Variants in ERGIC1 observed in about 807,000 individuals in gnomAD.
The protein encoded by ERGIC1 is endoplasmic reticulum-Golgi intermediate compartment protein 1.
A neutral mutation model predicts 38.3 loss-of-function variants in ERGIC1; 19 were observed. The ratio of observed to expected loss-of-function variants is 0.50; its 90% CI spans 0.35 to 0.73. The LOEUF is 0.73. Among genes scored for constraint, ERGIC1 ranks in the 30% least tolerant of loss-of-function variants. The pLI, the probability that ERGIC1 is intolerant of heterozygous loss-of-function variation, is 0.01. For missense variants in ERGIC1, 294 were observed against 389.2 expected (o/e 0.76, Z 2.06); for synonymous variants, 124 against 157.6 (o/e 0.79, Z 1.60).
chr5:172,926,407 G>A lies in ERGIC1; in HGVS notation c.481-102G>A, dbSNP rs1170750706. 1 of 1,289,558 alleles carries A rather than the reference G, an allele frequency of 7.8e-7. No homozygotes were observed. The highest frequency in any genetic ancestry group is 1.1e-6 in the Non-Finnish European group (1 of 893,850). The allele number at this position is 1,289,558 out of a possible 1,614,324, so 79.9% of individuals were successfully genotyped here. A position where few individuals can be genotyped will look rare whatever the true frequency, so the allele number is the denominator to read the frequency against. On this transcript the variant is annotated intron_variant, in intron 6 of 9. Coordinates refer to ENST00000393784, the MANE Select transcript of ERGIC1 (RefSeq NM_001031711.3). This position sits in a 1 kb window ranked among gnomAD's most constrained non-coding sequence, Gnocchi z 5.2. The stretch of plus-strand genomic sequence containing the variant: ...TGGAGCCCCCTTTTACACATTGGTA[G>A]GGTTCCTAGACCAGGTGGTACCTGG...
chr5:172,887,216 C>A (rs1762444688), intron 1 of ERGIC1, among the ~76,000 whole-genome samples: 1 of 152,186 alleles, frequency 6.6e-6, no homozygotes. Context: ...GAACCGCACA[C>A]CAGCCTGTCA....
intron 9 of ERGIC1, among the ~76,000 whole-genome samples, chr5:172,944,873 C>T (rs542529379): frequency 6.6e-6 from 1 of 152,232 alleles, no homozygotes; most frequent in Non-Finnish European, 1.5e-5. Flanking sequence ...CCTCCAGGCC[C>T]ACCTTTTCAT....
intron 9 of ERGIC1, among the ~76,000 whole-genome samples, chr5:172,946,599 CCTT>C (rs1561747226): frequency 6.6e-6 from 1 of 152,176 alleles, no homozygotes; most frequent in African/African-American, 2.4e-5. Context: ...GGTATGGTGA[CCTT>C]CTAAGACGAG....
Position 172,926,706 on chromosome 5 carries a change from C to A in ERGIC1, c.541+137C>A. 1 of 901,670 alleles carries A rather than the reference C, an allele frequency of 1.1e-6. No homozygotes were observed. 55.9% of individuals were successfully genotyped at this position (901,670 alleles called of 1,614,324 possible). A position where few individuals can be genotyped will look rare whatever the true frequency, so the allele number is the denominator to read the frequency against. ...GGAGGCTGCTGCTCACACTCCATTC[C>A]CACAGCTAACCAGTGGGAAGGTGGA... On this transcript the variant is annotated intron_variant, in intron 7 of 9. Transcript: ENST00000393784. This position sits in a 1 kb window ranked among gnomAD's most constrained non-coding sequence, Gnocchi z 5.2.
chr5:172,949,655 C>CG (rs56358883), intron 9 of ERGIC1, among the ~76,000 whole-genome samples: 71,068 of 141,528 alleles, frequency 0.5, 17,482 homozygotes, highest in East Asian at 0.79. Context: ...CACAGCGTGG[C>CG]GGGGGGGGGT....
In ERGIC1 at chr5:172,899,709, A is replaced by C. The variant is rs546610999; in HGVS notation, c.155+2635A>C. ...TGGCTCCACACATGGAGGAGCTGAA[A>C]ACGCCAGTGGTAGACACAGTCAACA... On this transcript the variant is annotated intron_variant, in intron 3 of 9. Transcript: ENST00000393784. Among the ~76,000 whole-genome samples the C allele has an allele frequency of 3.3e-5, 5 of 152,268 alleles. No individual in the cohort carries two copies. In the East Asian group the frequency reaches 9.7e-4, roughly 30 times the overall value.
intron 1 of ERGIC1, among the ~76,000 whole-genome samples, chr5:172,869,738 C>T (rs1761956395): frequency 6.6e-6 from 1 of 152,144 alleles, no homozygotes; most frequent in Non-Finnish European, 1.5e-5. Flanking sequence ...TGTTTAGGGG[C>T]ATCTGGGGGT....
chr5:172,858,985 G>T (rs1003413395), intron 1 of ERGIC1, among the ~76,000 whole-genome samples: 9 of 152,220 alleles, frequency 5.9e-5, no homozygotes, highest in Middle Eastern at 3.2e-3. Flanking sequence ...TGCTGAGGAC[G>T]TGATTTTGAG....
At chr5:172,866,324 G>T (rs1183794799) in intron 1 of ERGIC1, among the ~76,000 whole-genome samples, 1 of 152,150 alleles carries the variant, frequency 6.6e-6, no homozygotes, top group African/African-American at 2.4e-5. Context: ...TCTGGTGGGG[G>T]CCCCTGCCGC....
At chr5:172,888,575 A>C (rs1038258747) in intron 1 of ERGIC1, 124 bp from the exon 2 acceptor site, 8 of 793,396 alleles carry the variant, frequency 1.0e-5, no homozygotes, top group Non-Finnish European at 1.8e-5. Context: ...CTGAAAGAGC[A>C]GAAAAACTGT....
intron 5 of ERGIC1, 87 bp from the exon 6 acceptor site, chr5:172,923,917 TC>T (rs1763591226): frequency 8.6e-7 from 1 of 1,160,184 alleles, no homozygotes; most frequent in African/African-American, 1.5e-5. Context: ...GATTCCAGTG[TC>T]CTCCCTGGAT....
At chr5:172,904,654 C>T (rs1188542665) in intron 3 of ERGIC1, among the ~76,000 whole-genome samples, 1 of 152,228 alleles carries the variant, frequency 6.6e-6, no homozygotes, top group Non-Finnish European at 1.5e-5. Flanking sequence ...CTTTTAAAAT[C>T]AGTTCAGCCC....
chr5:172,893,905 A>ATATATGTGTGTGTGTGTGTGTG (rs1173039695), intron 2 of ERGIC1, among the ~76,000 whole-genome samples: 10 of 15,536 alleles, frequency 6.4e-4, no homozygotes, highest in East Asian at 4.6e-3. Context: ...ATATATATAT[A>ATATATGTGTGTGTGTGTGTGTG]TGTGTGTGTG....
Position 172,932,742 on chromosome 5 carries a change from A to G in ERGIC1, c.642+206A>G. The G allele has an allele frequency of 5.1e-6, 3 of 591,696 alleles. No homozygotes were observed. The South Asian group carries it at 6.0e-5, about 12-fold the overall frequency. 36.7% of individuals were successfully genotyped at this position (591,696 alleles called of 1,614,324 possible). On this transcript the variant is annotated intron_variant, in intron 8 of 9. Transcript: ENST00000393784. ...TGTGGCAGTCTCAGAGTCAAGGAGA[A>G]CAGATCTAACCAGGAGATAGGGTGT...
At chr5:172,862,925 A>T (rs1561706743) in intron 1 of ERGIC1, among the ~76,000 whole-genome samples, 1 of 152,244 alleles carries the variant, frequency 6.6e-6, no homozygotes, top group Non-Finnish European at 1.5e-5. Flanking sequence ...AAGTTCTAGC[A>T]CAGAGCTATT....
At position 172,913,671 on chromosome 5, in the gene ERGIC1, A is replaced by G. The variant is rs114474640; in HGVS notation, c.251-1043A>G. 7.7e-3 allele frequency among the ~76,000 whole-genome samples: 1,172 copies of G among 152,256 alleles called. 8 individuals carry two copies. Among genetic ancestry groups the G allele is most frequent in the African/African-American group, 0.027 (1,104 of 41,532 alleles). On this transcript the variant is annotated intron_variant, in intron 4 of 9. Coordinates refer to ENST00000393784, the MANE Select transcript of ERGIC1 (RefSeq NM_001031711.3). ...CTGCCAGGGAAATTCCTACATTTCC[A>G]TAGTTCACAGGGATCATCTCACCAC...
At chr5:172,892,138 C>G (rs1327734665) in intron 2 of ERGIC1, among the ~76,000 whole-genome samples, 1 of 138,886 alleles carries the variant, frequency 7.2e-6, no homozygotes, top group Non-Finnish European at 1.5e-5. Context: ...GTCTGATAGA[C>G]AGTTTCAGCC....
At chr5:172,949,644 T>C (rs1407697903) in intron 9 of ERGIC1, among the ~76,000 whole-genome samples, 2 of 126,588 alleles carry the variant, frequency 1.6e-5, no homozygotes, top group Non-Finnish European at 1.7e-5. Context: ...ATTGTGGTTG[T>C]CACAGCGTGG....
intron 8 of ERGIC1, chr5:172,934,027 C>G (rs891057037): frequency 6.6e-6 from 1 of 152,234 alleles, no homozygotes; most frequent in African/African-American, 2.4e-5. Context: ...AGCAGCTCTC[C>G]TGGAGAAAGC....
Sources: gnomAD v4.1 joint callset for allele counts (sites outside exome capture counted in the v4.1 genomes callset) on GRCh38, gnomAD v4.1.1 for gene constraint, Gnocchi (gnomAD v3.1) non-coding constraint, MANE v1.5 for transcripts, NCBI Gene and HGNC (gene_info 2026-07-23, HGNC 2026-07-21) for gene names.